Variants in LAMB4 observed in about 807,000 individuals in gnomAD.
LAMB4 encodes the protein laminin subunit beta-4.
A neutral mutation model predicts 199.2 loss-of-function variants in LAMB4; 196 were observed. That is an observed-to-expected ratio of 0.98 (90% CI 0.88 to 1.11). The LOEUF is 1.11. LAMB4 is among the 50% of genes least tolerant of loss of function. LAMB4 has a pLI of 0.00. For synonymous variants in LAMB4, 744 were observed against 770.6 expected (o/e 0.97, Z 0.57); for missense variants, 2,080 against 2,171.2 (o/e 0.96, Z 0.83).
intron 14 of LAMB4, among the ~76,000 whole-genome samples, chr7:108,084,871 G>A (rs867782110): frequency 7.8e-5 from 11 of 141,528 alleles, no homozygotes; most frequent in Middle Eastern, 3.6e-3. Flanking sequence ...AGCCTACTGA[G>A]TAGTTGGGAC....
In LAMB4 at chr7:108,024,103, T is replaced by G; in HGVS notation, c.5222A>C (p.Gln1741Pro). The G allele has an allele frequency of 6.2e-7, 1 of 1,607,058 alleles. No homozygotes were observed. The highest frequency in any genetic ancestry group is 2.2e-5 in the East Asian group (1 of 44,680). ...AATTTCATTTTTAATGGCAACAACT[T>G]GATCTTCCAATATTCTCAGTTGATC... ...KADQLRILEDQVVAIKNEIVE... is the reference protein window; with the variant it reads ...KADQLRILEDPVVAIKNEIVE... Residue 1741 changes from glutamine (Q) to proline (P), a missense_variant, in exon 34 of 34, where the codon CAA becomes CCA. Transcript: ENST00000388781.
rs1165145327 is a variant in LAMB4 at position 108,066,416 on chromosome 7, C to G, written c.2631G>C (p.Gly877=). 5.6e-6 allele frequency: 9 copies of G among 1,614,186 alleles called. No individual in the cohort carries two copies. Among genetic ancestry groups the G allele is most frequent in the Non-Finnish European group, 7.6e-6 (9 of 1,180,008 alleles). The change falls in exon 20 of 34, where the codon GGG becomes GGC. Residue 877 remains glycine, a synonymous_variant. Coordinates refer to ENST00000388781, the MANE Select transcript of LAMB4 (RefSeq NM_007356.3). ...TAAAGCCTCCACAATTGAAGCATGA[C>G]CCTGTCTCAGGATCACAAAGTTCAG... ...RFAELCDPET[G]SCFNCGGFTT...
At chr7:108,027,042 T>G in intron 33 of LAMB4, 1 of 382,506 alleles carries the variant, frequency 2.6e-6, no homozygotes, top group Admixed American at 3.7e-5. Context: ...TGGGGATCAG[T>G]GGAAACAATG....
In LAMB4 at chr7:108,049,471, T is replaced by C; in HGVS notation, c.3977A>G (p.Asn1326Ser). The C allele has an allele frequency of 6.2e-7, 1 of 1,603,490 alleles. No homozygotes were observed. The highest frequency in any genetic ancestry group is 2.2e-5 in the East Asian group (1 of 44,644). ...GGTATTAATGGTGGAACTAGTTTCA[T>C]TAATTTTCTTTTCAGCAGATGATGA... ...HISSSAEKKINETSSTINTSA... is the reference protein window; with the variant it reads ...HISSSAEKKISETSSTINTSA... Residue 1326 changes from asparagine (N) to serine (S), a missense_variant, in exon 27 of 34, where the codon AAT becomes AGT. By Grantham distance (46) the Asn-to-Ser change is conservative (BLOSUM62 1). Coordinates refer to ENST00000388781, the MANE Select transcript of LAMB4 (RefSeq NM_007356.3).
rs531822781 is a variant in LAMB4, at chr7:108,034,079, A to T, written c.4818+129T>A. The T allele has an allele frequency of 9.8e-6, 9 of 922,802 alleles. No homozygotes were observed. The East Asian group carries it at 2.2e-4, about 22-fold the overall frequency. 57.2% of individuals were successfully genotyped at this position (922,802 alleles called of 1,614,324 possible). Reference sequence around the variant, plus strand: ...TTAAATACATGCATAATACTACCCAAATCTTATTTATCCTCATAATAATCC... The same window carrying T: ...TTAAATACATGCATAATACTACCCATATCTTATTTATCCTCATAATAATCC... On this transcript the variant is annotated intron_variant, in intron 31 of 33. Transcript: ENST00000388781.
intron 30 of LAMB4, among the ~76,000 whole-genome samples, chr7:108,036,128 G>C (rs1321187845): frequency 6.6e-6 from 1 of 151,886 alleles, no homozygotes; most frequent in Non-Finnish European, 1.5e-5. Context: ...AAAGCACTGG[G>C]ATTATAGTCG....
At chr7:108,025,628 A>G (rs1003999509) in intron 33 of LAMB4, among the ~76,000 whole-genome samples, 1 of 151,882 alleles carries the variant, frequency 6.6e-6, no homozygotes, top group African/African-American at 2.4e-5. Context: ...GGGTTTCTCC[A>G]TGTTGGTCAG....
chr7:108,022,230 T>G (rs1448867152), downstream of LAMB4, among the ~76,000 whole-genome samples: 1 of 152,246 alleles, frequency 6.6e-6, no homozygotes, highest in Admixed American at 6.5e-5. Flanking sequence ...TGGTTTTCAG[T>G]GATTGCATCC....
At chr7:108,127,162 T>G (rs914209308) in intron 1 of LAMB4, among the ~76,000 whole-genome samples, 4 of 149,552 alleles carry the variant, frequency 2.7e-5, no homozygotes, top group African/African-American at 9.8e-5. Flanking sequence ...TACTGCACAT[T>G]AAAATCACCA....
chr7:108,105,285 T>C (rs1281513005), intron 8 of LAMB4, among the ~76,000 whole-genome samples: 1 of 152,170 alleles, frequency 6.6e-6, no homozygotes, highest in Non-Finnish European at 1.5e-5. Flanking sequence ...ACACAGCCAT[T>C]CCCAGGGTAA....
intron 10 of LAMB4, among the ~76,000 whole-genome samples, chr7:108,099,926 A>T (rs1404791992): frequency 6.6e-6 from 1 of 152,196 alleles, no homozygotes; most frequent in Non-Finnish European, 1.5e-5. Flanking sequence ...AAAAAATAGC[A>T]TTGAGTTCTG....
At chr7:108,108,450 T>C (rs1271893586) in intron 5 of LAMB4, among the ~76,000 whole-genome samples, 1 of 152,244 alleles carries the variant, frequency 6.6e-6, no homozygotes, top group Non-Finnish European at 1.5e-5. Flanking sequence ...GCTTTTCCTC[T>C]GGCAAACTCT....
At chr7:108,124,056 C>G (rs2038694332) in intron 1 of LAMB4, among the ~76,000 whole-genome samples, 1 of 151,928 alleles carries the variant, frequency 6.6e-6, no homozygotes, top group Non-Finnish European at 1.5e-5. Context: ...ACTCTGTTGC[C>G]CAGGCTGGAG....
chr7:108,104,670 G>T (rs543209274), intron 8 of LAMB4, 51 bp from the exon 9 acceptor site: 4 of 1,588,548 alleles, frequency 2.5e-6, no homozygotes, highest in East Asian at 2.3e-5. Context: ...CCTTGGGGAC[G>T]TTGGGGTTCT....
At chr7:108,126,575 T>TTTTTTTTTG (rs1554453973) in intron 1 of LAMB4, among the ~76,000 whole-genome samples, 1 of 134,946 alleles carries the variant, frequency 7.4e-6, no homozygotes, top group African/African-American at 2.8e-5. Context: ...TTTTTTTTTT[T>TTTTTTTTTG]GAGACGGAGT....
chr7:108,063,402 C>A lies in LAMB4; in HGVS notation c.3061+359G>T, dbSNP rs1038004791. ...ATTCTGACTCAGTAGGTCTGAAGTA[C>A]AGCCTAGGAATTTGCATGTTAATAC... On this transcript the variant is annotated intron_variant, in intron 22 of 33. Transcript: ENST00000388781. Among the ~76,000 whole-genome samples the A allele has an allele frequency of 1.8e-4, 28 of 152,296 alleles. No individual in the cohort carries two copies. The Middle Eastern group carries it at 0.017, about 93-fold the overall frequency.
chr7:108,079,233 A>T (rs544353690), intron 15 of LAMB4, among the ~76,000 whole-genome samples: 2 of 152,302 alleles, frequency 1.3e-5, no homozygotes, highest in African/African-American at 4.8e-5. Flanking sequence ...CTGCTGCATC[A>T]CCTGTGAGTC....
rs80095632 is a variant in LAMB4, at chr7:108,105,680, T to C, written c.870+137A>G. 378 of 734,082 alleles carry C rather than the reference T, an allele frequency of 5.1e-4. 2 individuals are homozygous for C. In the African/African-American group the frequency reaches 6.0e-3, roughly 12 times the overall value. 45.5% of individuals were successfully genotyped at this position (734,082 alleles called of 1,614,324 possible). A position where few individuals can be genotyped will look rare whatever the true frequency, so the allele number is the denominator to read the frequency against. ...GCCCTAGGTGGCCTATCAGGATAGG[T>C]TGAATGGTACCCATCTCAGCATAAA... On this transcript the variant is annotated intron_variant, in intron 8 of 33. Coordinates refer to ENST00000388781, the MANE Select transcript of LAMB4 (RefSeq NM_007356.3).
chr7:108,066,359 A>T lies in LAMB4; in HGVS notation c.2678+10T>A, dbSNP rs1219793419. 1 of 1,600,730 alleles carries T rather than the reference A, an allele frequency of 6.2e-7. No homozygotes were observed. Among genetic ancestry groups the T allele is most frequent in the African/African-American group, 1.3e-5 (1 of 74,628 alleles). On this transcript the variant is annotated intron_variant, in intron 20 of 33. Coordinates refer to ENST00000388781, the MANE Select transcript of LAMB4 (RefSeq NM_007356.3). Reference sequence around the variant, plus strand: ...AGACCTAAAAATTAAAGTGCATATGAATTCCATACCTTTCACAGTTTCTGC... The same window carrying T: ...AGACCTAAAAATTAAAGTGCATATGTATTCCATACCTTTCACAGTTTCTGC...
Sources: allele counts gnomAD v4.1 joint callset (sites outside exome capture counted in the v4.1 genomes callset), GRCh38; gene constraint gnomAD v4.1.1; transcripts MANE v1.5; gene names NCBI Gene and HGNC (gene_info 2026-07-23, HGNC 2026-07-21).